Variants in LPCAT4 observed in about 807,000 individuals in gnomAD.
The protein encoded by LPCAT4 is lysophosphatidylcholine acyltransferase 4, also known as lysophospholipid acyltransferase LPCAT4.
In LPCAT4, 30 loss-of-function variants were observed where a neutral mutation model predicts 66.5. The observed-to-expected ratio is 0.45, with a 90% CI of 0.34 to 0.61. LPCAT4 has a LOEUF of 0.61. LPCAT4 is among the 20% of genes least tolerant of loss of function. The pLI, the probability that LPCAT4 is intolerant of heterozygous loss-of-function variation, is 0.01. For synonymous variants in LPCAT4, 253 were observed against 262.1 expected (o/e 0.97, Z 0.34); for missense variants, 557 against 656.7 (o/e 0.85, Z 1.66).
chr15:34,365,858 G>C (rs753388532), intron 1 of LPCAT4, 157 bp from the exon 2 acceptor site: 27 of 785,096 alleles, frequency 3.4e-5, no homozygotes, highest in Non-Finnish European at 5.0e-5. Flanking sequence ...ACCCAAGGTG[G>C]GATGAAGATA....
At chr15:34,361,608 A>C in intron 10 of LPCAT4, 76 bp from the exon 11 acceptor site, 1 of 1,570,958 alleles carries the variant, frequency 6.4e-7, no homozygotes, top group East Asian at 2.2e-5. Flanking sequence ...CTTCAGCCCC[A>C]GTACCAAGAG....
intron 7 of LPCAT4, 56 bp from the exon 8 acceptor site, chr15:34,362,892 G>A: frequency 2.6e-6 from 4 of 1,555,538 alleles, no homozygotes; most frequent in Non-Finnish European, 3.5e-6. Context: ...CTCCTTCCCT[G>A]GCTCCCACAC....
At position 34,367,082 on chromosome 15, in the gene LPCAT4, C is replaced by G; in HGVS notation, c.19G>C (p.Gly7Arg). ...GTGGGATCTAGGGGGGCCCAGTCCCCCGGACTTCCCTGGCTCATGGCGGGA... is the reference window on the plus strand; with the variant it reads ...GTGGGATCTAGGGGGGCCCAGTCCCGCGGACTTCCCTGGCTCATGGCGGGA... MSQGSP[G>R]DWAPLDPTPG... The change falls in exon 1 of 14, where the codon GGG becomes CGG. Residue 7 changes from glycine (G) to arginine (R), a missense_variant. Coordinates refer to ENST00000314891, the MANE Select transcript of LPCAT4 (RefSeq NM_153613.3). 6.4e-7 allele frequency: 1 copy of G among 1,551,858 alleles called. No individual in the cohort carries two copies. Among genetic ancestry groups the G allele is most frequent in the Non-Finnish European group, 8.7e-7 (1 of 1,147,994 alleles).
chr15:34,366,802 G>C, intron 1 of LPCAT4, 185 bp downstream of exon 1: 1 of 723,078 alleles, frequency 1.4e-6, no homozygotes, highest in South Asian at 1.7e-5. Flanking sequence ...CAAGCCCGCA[G>C]CGTCCTCTCC....
At chr15:34,364,363 C>T in intron 3 of LPCAT4, 57 bp from the exon 4 acceptor site, 6 of 993,284 alleles carry the variant, frequency 6.0e-6, no homozygotes, top group Non-Finnish European at 9.4e-6. Flanking sequence ...GGGGCAGTAA[C>T]ATCTGCAGCC....
chr15:34,361,986 A>G (rs1890955770), intron 10 of LPCAT4, among the ~76,000 whole-genome samples: 1 of 152,184 alleles, frequency 6.6e-6, no homozygotes, highest in South Asian at 2.1e-4. Flanking sequence ...GGTGTGAGCC[A>G]CCGTGCCCGG....
chr15:34,365,410 G>T, intron 2 of LPCAT4, 149 bp downstream of exon 2: 1 of 1,244,672 alleles, frequency 8.0e-7, no homozygotes, highest in Non-Finnish European at 1.1e-6. Context: ...TGAGGTCTGG[G>T]AACCACGTCT....
At chr15:34,361,071 A>T in intron 11 of LPCAT4, 1 of 482,670 alleles carries the variant, frequency 2.1e-6, no homozygotes, top group Non-Finnish European at 3.0e-6. Context: ...AACCTTCATG[A>T]CTCTCCTTCA....
Position 34,363,865 on chromosome 15 carries a change from C to T in LPCAT4, c.653-146G>A, listed in dbSNP as rs139865748. On this transcript the variant is annotated intron_variant, in intron 5 of 13. Transcript: ENST00000314891. This position sits in a 1 kb window ranked among gnomAD's most constrained non-coding sequence, Gnocchi z 4.3. ...ATTGATAATTTTCTCTCTGACTCCTCGACTTGACAGCATTAGCTAGGAGGT... is the reference window on the plus strand; with the variant it reads ...ATTGATAATTTTCTCTCTGACTCCTTGACTTGACAGCATTAGCTAGGAGGT... 12 of 1,282,206 alleles carry T rather than the reference C, an allele frequency of 9.4e-6. No homozygotes were observed. Among genetic ancestry groups the T allele is most frequent in the Admixed American group, 7.0e-5 (4 of 56,746 alleles). The allele number at this position is 1,282,206 out of a possible 1,614,324, so 79.4% of individuals were successfully genotyped here.
chr15:34,365,456 A>G, intron 2 of LPCAT4, 103 bp downstream of exon 2: 1 of 1,517,300 alleles, frequency 6.6e-7, no homozygotes, highest in South Asian at 1.2e-5. Flanking sequence ...CCCAAGCTAG[A>G]CAGAATAGTT....
rs138944667 is a variant in LPCAT4, at chr15:34,359,894, A to G, written c.1243-149T>C. 199 of 870,602 alleles carry G rather than the reference A, an allele frequency of 2.3e-4. No individual in the cohort carries two copies. In the African/African-American group the frequency reaches 2.7e-3, roughly 12 times the overall value. 53.9% of individuals were successfully genotyped at this position (870,602 alleles called of 1,614,324 possible). A position where few individuals can be genotyped will look rare whatever the true frequency, so the allele number is the denominator to read the frequency against. ...TCCAGTGCCCTTTCTGCAGAACTGT[A>G]GACTTTATAGCTTTTTCCTTCTTCT... On this transcript the variant is annotated intron_variant, in intron 12 of 13. Coordinates refer to ENST00000314891, the MANE Select transcript of LPCAT4 (RefSeq NM_153613.3).
In LPCAT4 at chr15:34,363,465, G is replaced by A; in HGVS notation, c.712-9C>T. The stretch of plus-strand genomic sequence containing the variant: ...GCCCAGCTGGTGGTGTCCTATGGGA[G>A]AAACACAGGTGAGGGCATAAGAGCA... On this transcript the variant is annotated splice_polypyrimidine_tract_variant and intron_variant, in intron 6 of 13. Transcript: ENST00000314891. This position sits in a 1 kb window ranked among gnomAD's most constrained non-coding sequence, Gnocchi z 4.3. The A allele has an allele frequency of 6.2e-7, 1 of 1,614,086 alleles. No homozygotes were observed. Among genetic ancestry groups the A allele is most frequent in the Non-Finnish European group, 8.5e-7 (1 of 1,179,998 alleles).
At position 34,363,474 on chromosome 15, in the gene LPCAT4, G is replaced by T. The variant is rs749689524; in HGVS notation, c.712-18C>A. Reference sequence around the variant, plus strand: ...GTGGTGTCCTATGGGAGAAACACAGGTGAGGGCATAAGAGCATTACTTTTT... The same window carrying T: ...GTGGTGTCCTATGGGAGAAACACAGTTGAGGGCATAAGAGCATTACTTTTT... On this transcript the variant is annotated intron_variant, in intron 6 of 13. Transcript: ENST00000314891. This position sits in a 1 kb window ranked among gnomAD's most constrained non-coding sequence, Gnocchi z 4.3. 1.9e-6 allele frequency: 3 copies of T among 1,614,094 alleles called. No homozygotes were observed. Among genetic ancestry groups the T allele is most frequent in the Non-Finnish European group, 2.5e-6 (3 of 1,179,992 alleles).
intron 8 of LPCAT4, 49 bp from the exon 9 acceptor site, chr15:34,362,704 T>G (rs1312223923): frequency 6.2e-7 from 1 of 1,608,240 alleles, no homozygotes; most frequent in East Asian, 2.2e-5. Flanking sequence ...AAGTGAGGTA[T>G]GACCACTCCC....
At chr15:34,365,275 T>C in intron 2 of LPCAT4, 47 bp from the exon 3 acceptor site, 1 of 1,542,368 alleles carries the variant, frequency 6.5e-7, no homozygotes, top group Non-Finnish European at 8.8e-7. Context: ...GTTCTAACCC[T>C]CACCCGCCCC....
rs1272998267 is a variant in LPCAT4 at position 34,360,240 on chromosome 15, G to C, written c.1144-31C>G. ...GTGAAAAAGAAACCAGGGCAATGCG[G>C]GGACCCTGCGCCTCCCTTCCTGCTC... is the stretch of plus-strand genomic sequence containing the variant. On this transcript the variant is annotated intron_variant, in intron 11 of 13. Transcript: ENST00000314891. The C allele has an allele frequency of 3.8e-6, 6 of 1,563,438 alleles. No homozygotes were observed. In the East Asian group the frequency reaches 1.3e-4, roughly 35 times the overall value.
intron 11 of LPCAT4, 95 bp from the exon 12 acceptor site, chr15:34,360,304 G>A (rs1890913240): frequency 1.1e-6 from 1 of 916,134 alleles, no homozygotes; most frequent in Non-Finnish European, 1.7e-6. Context: ...GCAAATAATG[G>A]GGGTGATCCC....
chr15:34,362,788 A>G lies in LPCAT4; in HGVS notation c.795T>C (p.Asp265=), dbSNP rs200842708. The G allele has an allele frequency of 1.9e-6, 3 of 1,614,198 alleles. No individual in the cohort carries two copies. The African/African-American group carries it at 4.0e-5, about 22-fold the overall frequency. The change falls in exon 8 of 14, where the codon GAT becomes GAC. Residue 265 remains aspartate, a synonymous_variant. Transcript: ENST00000314891. ...LTASQPCSIV[D]VEFLPVYHPS... Reference sequence around the variant, plus strand: ...GCCCCCACGGGAGCCATACCTCCACATCCACAATGCTGCAGGGCTGAGAGG... The same window carrying G: ...GCCCCCACGGGAGCCATACCTCCACGTCCACAATGCTGCAGGGCTGAGAGG...
intron 1 of LPCAT4, 111 bp from the exon 2 acceptor site, chr15:34,365,812 G>A: frequency 1.5e-6 from 2 of 1,296,194 alleles, no homozygotes; most frequent in Non-Finnish European, 2.1e-6. Context: ...TCCCTTGCAT[G>A]TGACAGGTGG....
Sources: allele counts gnomAD v4.1 joint callset (sites outside exome capture counted in the v4.1 genomes callset), GRCh38; gene constraint gnomAD v4.1.1; non-coding constraint Gnocchi (gnomAD v3.1); transcripts MANE v1.5; gene names NCBI Gene and HGNC (gene_info 2026-07-23, HGNC 2026-07-21).